Variants in CFAP92 observed in about 807,000 individuals in gnomAD.
CFAP92 encodes cilia and flagella associated protein 92 (putative).
CFAP92 carries 86 observed loss-of-function variants against 106.3 expected under a neutral mutation model. The ratio of observed to expected loss-of-function variants is 0.81; its 90% CI spans 0.68 to 0.97. CFAP92 has a LOEUF of 0.97. Among genes scored for constraint, CFAP92 ranks in the 50% least tolerant of loss-of-function variants. The pLI, the probability that CFAP92 is intolerant of heterozygous loss-of-function variation, is 0.00. For missense variants in CFAP92, 1,204 were observed against 1,283.8 expected (o/e 0.94, Z 0.95); for synonymous variants, 477 against 506.4 (o/e 0.94, Z 0.78).
At position 128,916,198 on chromosome 3, in the gene CFAP92, G is replaced by A; in HGVS notation, c.2825C>T (p.Ala942Val). The change falls in exon 13 of 16, where the codon GCC becomes GTC. Residue 942 changes from alanine (A) to valine (V), a missense_variant. Transcript: ENST00000645291. ...GTTGTAGACGGCCTTGTTGGCAGGG[G>A]CTGAAATTTTAATCACCTTCGCCAC... ...KSVAKVIKIS[A>V]PANKAVYNYS... 8.1e-7 allele frequency: 1 copy of A among 1,232,100 alleles called. No homozygotes were observed. Among genetic ancestry groups the A allele is most frequent in the Non-Finnish European group, 1.0e-6 (1 of 987,952 alleles). The allele number at this position is 1,232,100 out of a possible 1,614,324, so 76.3% of individuals were successfully genotyped here. A position where few individuals can be genotyped will look rare whatever the true frequency, so the allele number is the denominator to read the frequency against.
chr3:128,974,105 C>T (rs1191497056), intron 7 of CFAP92, among the ~76,000 whole-genome samples: 1 of 152,086 alleles, frequency 6.6e-6, no homozygotes, highest in African/African-American at 2.4e-5. Context: ...CTTTGTGGAC[C>T]GTAGGAATAG....
chr3:128,985,239 G>C (rs549830406), intron 4 of CFAP92, among the ~76,000 whole-genome samples: 39 of 152,252 alleles, frequency 2.6e-4, no homozygotes, highest in Admixed American at 9.2e-4. Flanking sequence ...CAGGAGGATT[G>C]CTTAAGACCA....
chr3:128,929,649 C>T lies in CFAP92; in HGVS notation c.2751+3051G>A, dbSNP rs535543628. Among the ~76,000 whole-genome samples, 116 of 152,272 alleles carry T rather than the reference C, an allele frequency of 7.6e-4. 1 individual carries two copies. Among genetic ancestry groups the T allele is most frequent in the African/African-American group, 2.8e-3 (116 of 41,558 alleles). On this transcript the variant is annotated intron_variant, in intron 12 of 15. Coordinates refer to ENST00000645291, the MANE Select transcript of CFAP92 (RefSeq NM_001394090.1). ...GGATGAACCACAGGAACTTTATGCT[C>T]AGTGAAAGAAGCCAGACACAAAAGT... is the stretch of plus-strand genomic sequence containing the variant.
At chr3:129,001,900 A>G in intron 1 of CFAP92, 1 of 1,537,984 alleles carries the variant, frequency 6.5e-7, no homozygotes, top group African/African-American at 1.4e-5. Flanking sequence ...CTGCGCGCGG[A>G]GGGGGCCACC....
intron 12 of CFAP92, among the ~76,000 whole-genome samples, chr3:128,918,770 G>A (rs1937025266): frequency 6.6e-6 from 1 of 151,980 alleles, no homozygotes; most frequent in African/African-American, 2.4e-5. Flanking sequence ...TGGTCTTCAG[G>A]ATAACCACCT....
chr3:128,928,554 AT>A (rs1407559189), intron 12 of CFAP92, among the ~76,000 whole-genome samples: 1 of 152,208 alleles, frequency 6.6e-6, no homozygotes, highest in Non-Finnish European at 1.5e-5. Flanking sequence ...AGTCAATTTA[AT>A]GGGGGAATAG....
At chr3:128,910,673 G>T (rs535800944) in intron 15 of CFAP92, 1 of 1,573,798 alleles carries the variant, frequency 6.4e-7, no homozygotes, top group African/African-American at 1.3e-5. Flanking sequence ...TGATAGGCTG[G>T]GTTTTTGAAG....
chr3:128,913,345 T>C (rs1936551302), intron 15 of CFAP92, among the ~76,000 whole-genome samples: 1 of 152,192 alleles, frequency 6.6e-6, no homozygotes, highest in African/African-American at 2.4e-5. Context: ...TCTCAGCTGA[T>C]GATGTTCCCA....
intron 15 of CFAP92, among the ~76,000 whole-genome samples, chr3:128,913,654 G>C (rs1936579813): frequency 6.6e-6 from 1 of 152,206 alleles, no homozygotes; most frequent in Non-Finnish European, 1.5e-5. Flanking sequence ...TAGGCAAGGA[G>C]GAGACTGGGA....
At chr3:128,946,000 GGTCACCCAGCCACAAGGACA>G (rs1277069679) in intron 9 of CFAP92, 25 bp from the exon 10 acceptor site, 1 of 1,404,682 alleles carries the variant, frequency 7.1e-7, no homozygotes, top group East Asian at 2.6e-5. Flanking sequence ...GGCCACAGCA[GGTCACCCAGCCACAAGGACA>G]GTCACTCAGC....
chr3:128,944,008 CA>C (rs1939951788), intron 10 of CFAP92, among the ~76,000 whole-genome samples: 1 of 146,716 alleles, frequency 6.8e-6, no homozygotes, highest in South Asian at 2.2e-4. Flanking sequence ...TGGCTCACTG[CA>C]ACCTCCGCCT....
intron 10 of CFAP92, among the ~76,000 whole-genome samples, chr3:128,941,228 T>C (rs563520790): frequency 6.6e-6 from 1 of 152,288 alleles, no homozygotes; most frequent in East Asian, 1.9e-4. Context: ...TATTCAAAAT[T>C]TGATAGATTT....
At chr3:128,996,620 T>C (rs976647798), upstream of CFAP92, among the ~76,000 whole-genome samples, 2 of 152,236 alleles carry the variant, frequency 1.3e-5, no homozygotes, top group Non-Finnish European at 2.9e-5. Context: ...GTTTCAGTTA[T>C]CTGTTACTGA....
intron 7 of CFAP92, among the ~76,000 whole-genome samples, chr3:128,972,199 G>T (rs1032569067): frequency 2.0e-5 from 3 of 151,498 alleles, no homozygotes; most frequent in Non-Finnish European, 4.4e-5. Context: ...AAAATCATCA[G>T]AAGAATATCT....
At position 128,910,112 on chromosome 3, in the gene CFAP92, G is replaced by A. The variant is rs1468327320; in HGVS notation, c.*187C>T. 9 of 1,613,872 alleles carry A rather than the reference G, an allele frequency of 5.6e-6. No homozygotes were observed. The highest frequency in any genetic ancestry group is 2.7e-5 in the African/African-American group (2 of 74,944). On this transcript the variant is annotated 3_prime_UTR_variant, in exon 16 of 16. Transcript: ENST00000645291. Reference sequence around the variant, plus strand: ...ACGGCCGTGCTGTCGCGGGCCAGCCGCTCCATCCGCATTGGGCTCCGCAAC... The same window carrying A: ...ACGGCCGTGCTGTCGCGGGCCAGCCACTCCATCCGCATTGGGCTCCGCAAC...
chr3:128,978,990 A>G (rs1260382202), intron 4 of CFAP92, among the ~76,000 whole-genome samples: 1 of 152,244 alleles, frequency 6.6e-6, no homozygotes, highest in Non-Finnish European at 1.5e-5. Context: ...CTGCACAGCA[A>G]AAGAAACTAC....
At chr3:128,943,276 C>T (rs1939843471) in intron 10 of CFAP92, among the ~76,000 whole-genome samples, 1 of 152,254 alleles carries the variant, frequency 6.6e-6, no homozygotes, top group East Asian at 1.9e-4. Flanking sequence ...CAATGTTGTG[C>T]AGCCATAAAC....
At chr3:128,927,735 A>G (rs1937842615) in intron 12 of CFAP92, among the ~76,000 whole-genome samples, 2 of 151,890 alleles carry the variant, frequency 1.3e-5, no homozygotes, top group Admixed American at 1.3e-4. Flanking sequence ...AAAAAAAAAA[A>G]AAAAATTAAT....
rs1423977488 is a variant in CFAP92, at chr3:129,001,855, G to A, written n.117+719C>T. The A allele has an allele frequency of 1.9e-6, 3 of 1,546,156 alleles. No homozygotes were observed. The highest frequency in any genetic ancestry group is 2.4e-5 in the South Asian group (2 of 83,526). The stretch of plus-strand genomic sequence containing the variant: ...TGCCGCGGCGCCGGCCGTCTGCCCC[G>A]CGCCGACTTCCGAGCGCTCTGCGCT... On this transcript the variant is annotated intron_variant and non_coding_transcript_variant, in intron 1 of 4. Transcript: ENST00000510149.
Sources: gnomAD v4.1 joint callset for allele counts (sites outside exome capture counted in the v4.1 genomes callset) on GRCh38, gnomAD v4.1.1 for gene constraint, MANE v1.5 for transcripts, NCBI Gene and HGNC (gene_info 2026-07-23, HGNC 2026-07-21) for gene names.